Variants in USP6NL observed in about 807,000 individuals in gnomAD.
USP6NL encodes USP6 N-terminal-like protein.
In USP6NL, 26 loss-of-function variants were observed where a neutral mutation model predicts 61.9. The observed-to-expected ratio is 0.42, with a 90% CI of 0.31 to 0.58. USP6NL has a LOEUF of 0.58. USP6NL is among the 20% of genes least tolerant of loss of function. The pLI is 0.16. For synonymous variants in USP6NL, 432 were observed against 390.1 expected (o/e 1.11, Z -1.27); for missense variants, 1,114 against 1,034.3 (o/e 1.08, Z -1.06).
chr10:11,530,602 C>T (rs1835620554), intron 2 of USP6NL, among the ~76,000 whole-genome samples: 1 of 151,956 alleles, frequency 6.6e-6, no homozygotes, highest in Non-Finnish European at 1.5e-5. Flanking sequence ...ATGTCTTATC[C>T]CTGAGTTACC....
At chr10:11,515,615 T>G (rs11257145) in intron 5 of USP6NL, among the ~76,000 whole-genome samples, 17,237 of 152,220 alleles carry the variant, frequency 0.11, 1,284 homozygotes, top group East Asian at 0.16. Context: ...AGAGTTAAAT[T>G]TGGGGTCCAC....
At position 11,597,790 on chromosome 10, in the gene USP6NL, A is replaced by C. The variant is rs567966077; in HGVS notation, c.-83-73T>G. On this transcript the variant is annotated intron_variant, in intron 1 of 14. Coordinates refer to ENST00000609104, the MANE Select transcript of USP6NL (RefSeq NM_014688.5). This position sits in a 1 kb window ranked among gnomAD's most constrained non-coding sequence, Gnocchi z 4.6. ...ATTTAAAATAAAGTTTTCTTAAAGA[A>C]AATCATTTTGTTTCAAAAATATTCT... The C allele has an allele frequency of 2.0e-5, 11 of 552,926 alleles. 1 individual carries two copies. In the South Asian group the frequency reaches 3.2e-4, roughly 16 times the overall value. 34.3% of individuals were successfully genotyped at this position (552,926 alleles called of 1,614,324 possible).
At chr10:11,530,121 A>G (rs975485731) in intron 2 of USP6NL, among the ~76,000 whole-genome samples, 30 of 151,762 alleles carry the variant, frequency 2.0e-4, no homozygotes, top group Middle Eastern at 3.4e-3. Context: ...AAAAAAAAAA[A>G]AAAGAAATTA....
At chr10:11,568,956 A>C (rs1419162296) in intron 2 of USP6NL, among the ~76,000 whole-genome samples, 1 of 152,228 alleles carries the variant, frequency 6.6e-6, no homozygotes, top group Non-Finnish European at 1.5e-5. Flanking sequence ...CTAACACTCT[A>C]AACACAAGAG....
At chr10:11,559,531 C>A (rs1485708244) in intron 2 of USP6NL, among the ~76,000 whole-genome samples, 2 of 151,908 alleles carry the variant, frequency 1.3e-5, no homozygotes, top group African/African-American at 4.8e-5. Context: ...TCGTTTCGAC[C>A]TTTATTATTG....
chr10:11,606,918 T>C (rs536747835), intron 1 of USP6NL, among the ~76,000 whole-genome samples: 4 of 151,746 alleles, frequency 2.6e-5, no homozygotes, highest in African/African-American at 9.7e-5. Flanking sequence ...AGCCTCCGAG[T>C]AGCTGGGACC....
chr10:11,545,485 G>A (rs112000832), intron 2 of USP6NL, among the ~76,000 whole-genome samples: 3,338 of 152,310 alleles, frequency 0.022, 66 homozygotes, highest in Non-Finnish European at 0.035. Flanking sequence ...GTGAACAGCA[G>A]ACCAGCCCAG....
rs1304786380 is a variant in USP6NL at position 11,525,376 on chromosome 10, T to C, written c.155+10A>G. Reference sequence around the variant, plus strand: ...ATCTAAAAAGCAAGCTTTCAATCTATGTGACTTACTGTAAAAAGCCAAATC... The same window carrying C: ...ATCTAAAAAGCAAGCTTTCAATCTACGTGACTTACTGTAAAAAGCCAAATC... On this transcript the variant is annotated intron_variant, in intron 4 of 14. Transcript: ENST00000609104. This position sits in a 1 kb window ranked among gnomAD's most constrained non-coding sequence, Gnocchi z 5.0. 5.7e-6 allele frequency: 9 copies of C among 1,590,436 alleles called. No individual in the cohort carries two copies. The highest frequency in any genetic ancestry group is 1.7e-4 in the Middle Eastern group (1 of 6,004).
intron 2 of USP6NL, among the ~76,000 whole-genome samples, chr10:11,538,720 T>C (rs551495263): frequency 2.6e-5 from 4 of 152,338 alleles, no homozygotes; most frequent in East Asian, 1.9e-4. Context: ...TATTTCAAGA[T>C]AGCATTTAAA....
chr10:11,602,254 T>C lies in USP6NL; in HGVS notation c.-83-4537A>G, dbSNP rs12258394. Among the ~76,000 whole-genome samples, 56,662 of 152,048 alleles carry C rather than the reference T, an allele frequency of 0.37. 10,978 individuals carry two copies. The highest frequency in any genetic ancestry group is 0.46 in the Middle Eastern group (134 of 294). On this transcript the variant is annotated intron_variant, in intron 1 of 14. Coordinates refer to ENST00000609104, the MANE Select transcript of USP6NL (RefSeq NM_014688.5). The surrounding 1 kb of genome is among the most constrained non-coding windows in gnomAD (Gnocchi z 4.8). Reference sequence around the variant, plus strand: ...AGAAAGAAAAAAGCATCAGAAATGATGCCTCAACCAAGCTACATTTGTTTC... The same window carrying C: ...AGAAAGAAAAAAGCATCAGAAATGACGCCTCAACCAAGCTACATTTGTTTC...
intron 2 of USP6NL, among the ~76,000 whole-genome samples, chr10:11,534,724 C>A (rs1452425340): frequency 6.6e-6 from 1 of 152,184 alleles, no homozygotes; most frequent in Non-Finnish European, 1.5e-5. Flanking sequence ...CTGATCTTGA[C>A]ATCTTCAACG....
chr10:11,544,815 A>G (rs531275285), intron 2 of USP6NL, among the ~76,000 whole-genome samples: 22 of 152,336 alleles, frequency 1.4e-4, no homozygotes, highest in African/African-American at 5.0e-4. Flanking sequence ...TAAGTAGATA[A>G]GCAGGACCAA....
In USP6NL at chr10:11,554,450, C is replaced by T. The variant is rs1188569984; in HGVS notation, c.5-26883G>A. On this transcript the variant is annotated intron_variant, in intron 2 of 14. Coordinates refer to ENST00000609104, the MANE Select transcript of USP6NL (RefSeq NM_014688.5). ...AAGCTAAACAGAACTTGTGGCAGTC[C>T]TGAGAAAATAAAAATTGGAGTTCGG... Among the ~76,000 whole-genome samples, 4 of 152,092 alleles carry T rather than the reference C, an allele frequency of 2.6e-5. No individual in the cohort carries two copies. In the South Asian group the frequency reaches 6.2e-4, roughly 24 times the overall value.
At position 11,596,571 on chromosome 10, in the gene USP6NL, C is replaced by T. The variant is rs1262066163; in HGVS notation, c.4+1060G>A. 6.7e-6 allele frequency among the ~76,000 whole-genome samples: 1 copy of T among 148,862 alleles called. No individual in the cohort carries two copies. Among genetic ancestry groups the T allele is most frequent in the Non-Finnish European group, 1.5e-5 (1 of 67,610 alleles). ...CCCAGGAGGTGGAGCTTGCAGTGAG[C>T]GGAGATGGTGCCACTGCACTGCAGC... On this transcript the variant is annotated intron_variant, in intron 2 of 14. Coordinates refer to ENST00000609104, the MANE Select transcript of USP6NL (RefSeq NM_014688.5). This position sits in a 1 kb window ranked among gnomAD's most constrained non-coding sequence, Gnocchi z 4.1.
rs1318453304 is a variant in USP6NL at position 11,542,439 on chromosome 10, CTGGGCACAGTGGCTCATGCCTGTAA to C, written c.5-14897_5-14873del. 1.2e-4 allele frequency among the ~76,000 whole-genome samples: 18 copies of C among 152,318 alleles called. No homozygotes were observed. The East Asian group carries it at 1.9e-3, about 16-fold the overall frequency. On this transcript the variant is annotated intron_variant, in intron 2 of 14. Coordinates refer to ENST00000609104, the MANE Select transcript of USP6NL (RefSeq NM_014688.5). The stretch of plus-strand genomic sequence containing the variant: ...AGGTCCTAAAATAGCATGGTAGAGG[CTGGGCACAGTGGCTCATGCCTGTAA>C]TCCCAGCACTTTGGGAGGCCGAGGC...
rs184709993 is a variant in USP6NL at position 11,543,968 on chromosome 10, C to T, written c.5-16401G>A. Among the ~76,000 whole-genome samples, 10 of 151,900 alleles carry T rather than the reference C, an allele frequency of 6.6e-5. No individual in the cohort carries two copies. In the East Asian group the frequency reaches 9.7e-4, roughly 15 times the overall value. The stretch of plus-strand genomic sequence containing the variant: ...CTGGAACTACTGGTGCTTGCTACCA[C>T]GCCCGGCTATTTTTTTGTATTTTTA... On this transcript the variant is annotated intron_variant, in intron 2 of 14. Transcript: ENST00000609104.
intron 1 of USP6NL, among the ~76,000 whole-genome samples, chr10:11,605,914 C>CA (rs766599015): frequency 3.5e-4 from 53 of 152,182 alleles, no homozygotes; most frequent in Middle Eastern, 3.4e-3. Flanking sequence ...ACTGAGCTCC[C>CA]AGAAAGATTA....
chr10:11,578,489 G>A (rs540057229), intron 2 of USP6NL, among the ~76,000 whole-genome samples: 1 of 152,206 alleles, frequency 6.6e-6, no homozygotes, highest in African/African-American at 2.4e-5. Flanking sequence ...TACTCTATCA[G>A]GCTACTCAAG....
At chr10:11,542,587 T>C (rs1591908246) in intron 2 of USP6NL, among the ~76,000 whole-genome samples, 1 of 152,086 alleles carries the variant, frequency 6.6e-6, no homozygotes, top group Admixed American at 6.5e-5. Flanking sequence ...GGCATGGTGA[T>C]GGGTGCCTGT....
Sources: allele counts gnomAD v4.1 joint callset (sites outside exome capture counted in the v4.1 genomes callset), GRCh38; gene constraint gnomAD v4.1.1; non-coding constraint Gnocchi (gnomAD v3.1); transcripts MANE v1.5; gene names NCBI Gene and HGNC (gene_info 2026-07-23, HGNC 2026-07-21).